EXOC4: variants seen among roughly 807,000 people sequenced by gnomAD.
The protein encoded by EXOC4 is SEC8-like 1.
A neutral mutation model predicts 107.2 loss-of-function variants in EXOC4; 71 were observed. That is an observed-to-expected ratio of 0.66 (90% CI 0.55 to 0.81). The LOEUF is 0.81. EXOC4 is among the 30% of genes least tolerant of loss of function. EXOC4 has a pLI of 0.00. For synonymous variants in EXOC4, 456 were observed against 441.2 expected, an observed-to-expected ratio of 1.03 and a Z score of -0.42; for missense variants, 1,108 against 1,189.6, an observed-to-expected ratio of 0.93 and a Z score of 1.01.
At chr7:133,694,328 T>C (rs879441449) in intron 10 of EXOC4, among the ~76,000 whole-genome samples, 3 of 151,748 alleles carry the variant, frequency 2.0e-5, no homozygotes, top group Non-Finnish European at 4.4e-5. Flanking sequence ...AAACACTGAA[T>C]GTTGGGCCCT....
At chr7:133,358,316 C>G (rs1796068475) in intron 6 of EXOC4, among the ~76,000 whole-genome samples, 1 of 152,108 alleles carries the variant, frequency 6.6e-6, no homozygotes. Context: ...CAAAAATTAA[C>G]CTGTCTTACA....
intron 9 of EXOC4, among the ~76,000 whole-genome samples, chr7:133,551,258 CA>C (rs1800582617): frequency 1.3e-5 from 2 of 152,040 alleles, no homozygotes; most frequent in African/African-American, 4.8e-5. Flanking sequence ...TGCAACATAT[CA>C]AAAAAGACCC....
chr7:133,700,086 G>T (rs1585087911), intron 10 of EXOC4, among the ~76,000 whole-genome samples: 1 of 152,074 alleles, frequency 6.6e-6, no homozygotes, highest in African/African-American at 2.4e-5. Flanking sequence ...TGACACTATT[G>T]CTTCCAAGAA....
intron 11 of EXOC4, among the ~76,000 whole-genome samples, chr7:133,881,555 A>T (rs1585219908): frequency 1.3e-5 from 2 of 152,040 alleles, no homozygotes; most frequent in East Asian, 3.9e-4. Context: ...AGCACCTAGG[A>T]CATTTTATTG....
intron 11 of EXOC4, among the ~76,000 whole-genome samples, chr7:133,823,874 A>ATATATATATATATATATATAT (rs1797614478): frequency 1.1e-4 from 1 of 9,082 alleles, no homozygotes; most frequent in South Asian, 4.6e-3. Context: ...TATATATATT[A>ATATATATATATATATATATAT]TATATATATA....
the EXOC4 span, among the ~76,000 whole-genome samples, chr7:134,093,785 A>T: frequency 6.6e-6 from 1 of 152,218 alleles, no homozygotes; most frequent in Non-Finnish European, 1.5e-5. Context: ...TCAAAACCAC[A>T]TAATTACATG....
At chr7:133,404,248 C>T (rs1351637343) in intron 7 of EXOC4, among the ~76,000 whole-genome samples, 4 of 152,080 alleles carry the variant, frequency 2.6e-5, no homozygotes, top group African/African-American at 7.2e-5. Flanking sequence ...TACAGGCGCC[C>T]GCCACTACGC....
intron 7 of EXOC4, among the ~76,000 whole-genome samples, chr7:133,431,057 G>T (rs1452323823): frequency 6.6e-6 from 1 of 152,272 alleles, no homozygotes; most frequent in South Asian, 2.1e-4. Flanking sequence ...GAAAAGTGAT[G>T]CCCAGAGATG....
chr7:133,811,351 C>G (rs1797226271), intron 10 of EXOC4, among the ~76,000 whole-genome samples: 1 of 152,130 alleles, frequency 6.6e-6, no homozygotes, highest in African/African-American at 2.4e-5. Flanking sequence ...TAATGAGGAG[C>G]ATTGTTGGGA....
At chr7:133,457,473 A>G (rs1399050356) in intron 7 of EXOC4, among the ~76,000 whole-genome samples, 1 of 152,196 alleles carries the variant, frequency 6.6e-6, no homozygotes, top group Non-Finnish European at 1.5e-5. Flanking sequence ...AGTGCAGTAT[A>G]TAGCTCAGCA....
At chr7:133,257,303 CACAG>C (rs1224532622) in intron 1 of EXOC4, among the ~76,000 whole-genome samples, 23 of 152,142 alleles carry the variant, frequency 1.5e-4, no homozygotes, top group African/African-American at 4.8e-4. Context: ...TTTACACACA[CACAG>C]ACACACACCT....
At chr7:133,871,136 T>G (rs1163574679) in intron 11 of EXOC4, among the ~76,000 whole-genome samples, 1 of 152,216 alleles carries the variant, frequency 6.6e-6, no homozygotes, top group Admixed American at 6.5e-5. Context: ...CAGGATTATC[T>G]ATGTTCTTCA....
At chr7:133,975,641 G>A (rs1015831325) in intron 14 of EXOC4, among the ~76,000 whole-genome samples, 70 of 152,004 alleles carry the variant, frequency 4.6e-4, no homozygotes, top group Middle Eastern at 3.4e-3. Flanking sequence ...ATGATGAGGG[G>A]TGGGAGATTA....
chr7:133,541,818 T>C (rs1355605708), intron 9 of EXOC4, among the ~76,000 whole-genome samples: 6 of 152,118 alleles, frequency 3.9e-5, no homozygotes, highest in African/African-American at 1.2e-4. Context: ...GAATGATAGA[T>C]TTAAAAATTC....
chr7:134,089,337 C>G, the EXOC4 span, among the ~76,000 whole-genome samples: 1 of 152,204 alleles, frequency 6.6e-6, no homozygotes, highest in Non-Finnish European at 1.5e-5. Context: ...ACACATTTCA[C>G]TTTCTTTACA....
intron 3 of EXOC4, among the ~76,000 whole-genome samples, chr7:133,298,614 G>A (rs558967043): frequency 2.0e-5 from 3 of 152,170 alleles, no homozygotes; most frequent in African/African-American, 7.2e-5. Context: ...TTTCCTATGA[G>A]CAGTTTACAA....
chr7:133,694,764 C>T (rs1446985647), intron 10 of EXOC4, among the ~76,000 whole-genome samples: 1 of 152,140 alleles, frequency 6.6e-6, no homozygotes, highest in African/African-American at 2.4e-5. Context: ...AAATTACTAA[C>T]TGTAGTCACC....
Position 133,317,296 on chromosome 7 carries a change from A to C in EXOC4, c.669A>C (p.Lys223Asn). ...TTTTCCCGTTCAGCTCCCTCGTGAA[A>C]GATGCTTCTGTTCCTCTGATTGATG... is the stretch of plus-strand genomic sequence containing the variant. ...KEKGKISSLVKDASVPLIDVT... is the reference protein window; with the variant it reads ...KEKGKISSLVNDASVPLIDVT... The change falls in exon 5 of 18, where the codon AAA becomes AAC. Residue 223 changes from lysine to asparagine, a missense_variant. Transcript: ENST00000253861. 2 of 1,612,942 alleles carry C rather than the reference A, an allele frequency of 1.2e-6. No homozygotes were observed. Among genetic ancestry groups the C allele is most frequent in the Non-Finnish European group, 1.7e-6 (2 of 1,179,034 alleles).
chr7:133,317,322 T>C lies in EXOC4; in HGVS notation c.695T>C (p.Val232Ala), dbSNP rs1363557706. The part of the protein sequence containing the change: ...VKDASVPLID[V>A]TNLPTPRKFL... ...GATGCTTCTGTTCCTCTGATTGATGTTACAAACCTCCCTACTCCTCGAAAA... is the reference window on the plus strand; with the variant it reads ...GATGCTTCTGTTCCTCTGATTGATGCTACAAACCTCCCTACTCCTCGAAAA... The change falls in exon 5 of 18, where the codon GTT (valine) becomes GCT (alanine). Residue 232 changes from valine (V) to alanine (A), a missense_variant. By Grantham distance (64) the Val-to-Ala change is moderately conservative. Coordinates refer to ENST00000253861, the MANE Select transcript of EXOC4 (RefSeq NM_021807.4). The C allele has an allele frequency of 6.2e-7, 1 of 1,613,818 alleles. No individual in the cohort carries two copies. The highest frequency in any genetic ancestry group is 2.2e-5 in the East Asian group (1 of 44,878).
Sources: gnomAD v4.1 joint callset for allele counts (sites outside exome capture counted in the v4.1 genomes callset) on GRCh38, gnomAD v4.1.1 for gene constraint, MANE v1.5 for transcripts, NCBI Gene and HGNC (gene_info 2026-07-23, HGNC 2026-07-21) for gene names.